The following FUT8 variants were observed in gnomAD, a reference collection of about 807,000 sequenced individuals.
FUT8 encodes the protein fucosyltransferase 8.
A neutral mutation model predicts 71.3 loss-of-function variants in FUT8; 29 were observed. That is an observed-to-expected ratio of 0.41 (90% CI 0.30 to 0.55). The LOEUF is 0.55. Among genes scored for constraint, FUT8 ranks in the 20% least tolerant of loss-of-function variants. The probability of loss-of-function intolerance (pLI) is 0.34; values close to 1 mark genes in which losing one functional copy is unlikely to be tolerated. For missense variants in FUT8, 544 were observed against 702.1 expected, an observed-to-expected ratio of 0.77 and a Z score of 2.55; for synonymous variants, 254 against 239.3, an observed-to-expected ratio of 1.06 and a Z score of -0.57.
intron 1 of FUT8, among the ~76,000 whole-genome samples, chr14:65,418,501 G>A (rs1050966096): frequency 6.6e-6 from 1 of 152,148 alleles, no homozygotes; most frequent in Admixed American, 6.5e-5. Flanking sequence ...CATTCCATAA[G>A]CTAATCTAAG....
At chr14:65,453,186 AG>A (rs1248441151) in intron 1 of FUT8, among the ~76,000 whole-genome samples, 1 of 150,002 alleles carries the variant, frequency 6.7e-6, no homozygotes, top group Non-Finnish European at 1.5e-5. Flanking sequence ...TTACCTGGGC[AG>A]TAGTGCAGTA....
intron 9 of FUT8, among the ~76,000 whole-genome samples, chr14:65,726,058 C>G (rs1395359263): frequency 6.6e-6 from 1 of 151,962 alleles, no homozygotes; most frequent in Admixed American, 6.6e-5. Flanking sequence ...AAACAAAGGG[C>G]AAATAATTCA....
chr14:65,490,840 C>A (rs1418805159), intron 2 of FUT8, among the ~76,000 whole-genome samples: 3 of 152,034 alleles, frequency 2.0e-5, no homozygotes, highest in South Asian at 2.1e-4. Context: ...GAGTTAATTA[C>A]CATTTCTTTT....
intron 1 of FUT8, among the ~76,000 whole-genome samples, chr14:65,446,078 A>G (rs1235616858): frequency 1.3e-5 from 2 of 152,254 alleles, no homozygotes; most frequent in African/African-American, 4.8e-5. Context: ...AAGTGATACT[A>G]TATCCTTAGA....
At chr14:65,720,586 G>T (rs890769516) in intron 7 of FUT8, among the ~76,000 whole-genome samples, 6 of 152,226 alleles carry the variant, frequency 3.9e-5, no homozygotes, top group African/African-American at 1.4e-4. Flanking sequence ...TAGGGAAAGG[G>T]TGGCATAAGC....
intron 2 of FUT8, among the ~76,000 whole-genome samples, chr14:65,524,006 T>G (rs1460028851): frequency 2.6e-5 from 4 of 152,220 alleles, no homozygotes; most frequent in Non-Finnish European, 5.9e-5. Flanking sequence ...TCAGGTAGTG[T>G]GATGCCTCCA....
chr14:65,484,814 G>A (rs2066384841), intron 2 of FUT8, among the ~76,000 whole-genome samples: 1 of 152,082 alleles, frequency 6.6e-6, no homozygotes, highest in Non-Finnish European at 1.5e-5. Flanking sequence ...GTTCACTGAT[G>A]CTCTTTATAT....
At chr14:65,592,976 A>G (rs1011673139) in intron 3 of FUT8, among the ~76,000 whole-genome samples, 8 of 152,162 alleles carry the variant, frequency 5.3e-5, no homozygotes, top group African/African-American at 1.9e-4. Flanking sequence ...GGTTTTGGTA[A>G]TCTGGTAATT....
chr14:65,433,715 C>T (rs7157109), intron 1 of FUT8, among the ~76,000 whole-genome samples: 6 of 151,908 alleles, frequency 3.9e-5, no homozygotes, highest in African/African-American at 1.5e-4. Context: ...TAAATCTTCA[C>T]TAGGCAGCTG....
At chr14:65,554,742 T>A (rs1024556712) in intron 2 of FUT8, among the ~76,000 whole-genome samples, 2 of 152,160 alleles carry the variant, frequency 1.3e-5, no homozygotes, top group African/African-American at 4.8e-5. Context: ...GTTTGGAGCC[T>A]CGGTGCTGGA....
At chr14:65,719,753 C>T (rs1895315335) in intron 7 of FUT8, among the ~76,000 whole-genome samples, 1 of 152,190 alleles carries the variant, frequency 6.6e-6, no homozygotes, top group Non-Finnish European at 1.5e-5. Flanking sequence ...TAGAAGAATT[C>T]TCTGGATTAC....
chr14:65,524,311 A>C (rs1427730702), intron 2 of FUT8, among the ~76,000 whole-genome samples: 1 of 152,064 alleles, frequency 6.6e-6, no homozygotes, highest in African/African-American at 2.4e-5. Flanking sequence ...TTGGATTCCT[A>C]GGTATTTTAT....
intron 2 of FUT8, among the ~76,000 whole-genome samples, chr14:65,560,538 G>C (rs890127606): frequency 2.0e-5 from 3 of 152,104 alleles, no homozygotes; most frequent in African/African-American, 7.2e-5. Flanking sequence ...GGAGAAAATA[G>C]TTTTGTTTCC....
chr14:65,527,521 A>C (rs1883573457), intron 2 of FUT8, among the ~76,000 whole-genome samples: 1 of 152,120 alleles, frequency 6.6e-6, no homozygotes. Context: ...TTCCTCCTTT[A>C]GCTTGGAGAA....
chr14:65,627,488 C>A lies in FUT8; in HGVS notation c.483-2004C>A, dbSNP rs1370181605. Among the ~76,000 whole-genome samples, 1 of 152,222 alleles carries A rather than the reference C, an allele frequency of 6.6e-6. No individual in the cohort carries two copies. Among genetic ancestry groups the A allele is most frequent in the Non-Finnish European group, 1.5e-5 (1 of 68,048 alleles). ...TGAGAGGGTCAAGTGTGCTGTCTGACCATTGACTTGGGCCTGTATATATTG... is the reference window on the plus strand; with the variant it reads ...TGAGAGGGTCAAGTGTGCTGTCTGAACATTGACTTGGGCCTGTATATATTG... On this transcript the variant is annotated intron_variant, in intron 5 of 10. Coordinates refer to ENST00000673929, the MANE Select transcript of FUT8 (RefSeq NM_001371533.1). This position sits in a 1 kb window ranked among gnomAD's most constrained non-coding sequence, Gnocchi z 4.0.
chr14:65,634,050 G>A lies in FUT8; in HGVS notation c.597+4444G>A, dbSNP rs61988014. Among the ~76,000 whole-genome samples, 7 of 151,250 alleles carry A rather than the reference G, an allele frequency of 4.6e-5. No homozygotes were observed. In the East Asian group the frequency reaches 5.9e-4, roughly 13 times the overall value. On this transcript the variant is annotated intron_variant, in intron 6 of 10. Transcript: ENST00000673929. Reference sequence around the variant, plus strand: ...GAGCCCCTCTGCCCGGCCACCACCCGGTCTGGGAGGTGTACCCAACAGCTC... The same window carrying A: ...GAGCCCCTCTGCCCGGCCACCACCCAGTCTGGGAGGTGTACCCAACAGCTC...
chr14:65,635,629 A>G (rs371267379), intron 6 of FUT8, among the ~76,000 whole-genome samples: 9 of 152,294 alleles, frequency 5.9e-5, no homozygotes, highest in East Asian at 5.8e-4. Context: ...TATGTGGTGT[A>G]TGACATTTAT....
At chr14:65,380,228 A>C in the FUT8 span, among the ~76,000 whole-genome samples, 1 of 152,182 alleles carries the variant, frequency 6.6e-6, no homozygotes, top group Non-Finnish European at 1.5e-5. Flanking sequence ...AAAATGAGGA[A>C]GGAGCAAAAG....
chr14:65,586,542 G>A (rs1023543860), intron 3 of FUT8, among the ~76,000 whole-genome samples: 3 of 152,196 alleles, frequency 2.0e-5, no homozygotes, highest in African/African-American at 7.2e-5. Flanking sequence ...GGAATCTAAT[G>A]TATTTGATAT....
Sources: gnomAD v4.1 joint callset for allele counts (sites outside exome capture counted in the v4.1 genomes callset) on GRCh38, gnomAD v4.1.1 for gene constraint, Gnocchi (gnomAD v3.1) non-coding constraint, MANE v1.5 for transcripts, NCBI Gene and HGNC (gene_info 2026-07-23, HGNC 2026-07-21) for gene names.